Variants in NKAIN2 observed in about 807,000 individuals in gnomAD.
The protein encoded by NKAIN2 is sodium/potassium-transporting ATPase subunit beta-1-interacting protein 2.
In NKAIN2, 14 loss-of-function variants were observed where a neutral mutation model predicts 32.6. The observed-to-expected ratio is 0.43, with a 90% CI of 0.28 to 0.67. The LOEUF (loss-of-function observed/expected upper bound fraction) is 0.67. NKAIN2 is among the 30% of genes least tolerant of loss of function. The pLI, the probability that NKAIN2 is intolerant of heterozygous loss-of-function variation, is 0.17. For missense variants in NKAIN2, 198 were observed against 258.3 expected (o/e 0.77, Z 1.60); for synonymous variants, 80 against 87.2 (o/e 0.92, Z 0.46).
chr6:124,020,457 A>G lies in NKAIN2; in HGVS notation c.54+216203A>G, dbSNP rs114988194. Among the ~76,000 whole-genome samples the G allele has an allele frequency of 5.0e-3, 757 of 152,194 alleles. 4 individuals are homozygous for G. The highest frequency in any genetic ancestry group is 0.017 in the African/African-American group (713 of 41,552). On this transcript the variant is annotated intron_variant, in intron 1 of 6. Transcript: ENST00000368417. ...TAACTTCTGTGTTTGTACCTTCAGC[A>G]TATGTTTTGATTACAGTAGAAGTCG...
intron 1 of NKAIN2, among the ~76,000 whole-genome samples, chr6:123,907,450 G>A (rs916208585): frequency 6.6e-6 from 1 of 151,968 alleles, no homozygotes; most frequent in East Asian, 1.9e-4. Flanking sequence ...TTACAGGTGA[G>A]GAAATTGGGG....
intron 3 of NKAIN2, among the ~76,000 whole-genome samples, chr6:124,559,273 G>T (rs1206626954): frequency 6.6e-6 from 1 of 152,114 alleles, no homozygotes; most frequent in African/African-American, 2.4e-5. Flanking sequence ...GAATAGAATA[G>T]ATAATGGCCA....
intron 1 of NKAIN2, among the ~76,000 whole-genome samples, chr6:124,041,686 T>A (rs1781878271): frequency 6.6e-6 from 1 of 152,004 alleles, no homozygotes; most frequent in Non-Finnish European, 1.5e-5. Context: ...AAAGTAGAAA[T>A]GTTGGCTTTT....
At chr6:124,140,948 T>TGG in intron 1 of NKAIN2, among the ~76,000 whole-genome samples, 1 of 152,294 alleles carries the variant, frequency 6.6e-6, no homozygotes, top group South Asian at 2.1e-4. Flanking sequence ...AATATAGAGA[T>TGG]AAAACTATGG....
At chr6:124,201,093 A>C (rs1197328451) in intron 1 of NKAIN2, among the ~76,000 whole-genome samples, 2 of 152,080 alleles carry the variant, frequency 1.3e-5, no homozygotes, top group African/African-American at 4.8e-5. Flanking sequence ...TAATGTATAC[A>C]TCTACATAAA....
At chr6:124,009,211 G>A (rs964205341) in intron 1 of NKAIN2, among the ~76,000 whole-genome samples, 4 of 151,982 alleles carry the variant, frequency 2.6e-5, no homozygotes, top group Non-Finnish European at 4.4e-5. Flanking sequence ...CTCTCTCTCT[G>A]TTTGGTCTCT....
chr6:124,464,850 CT>C (rs372330834), intron 3 of NKAIN2, among the ~76,000 whole-genome samples: 15 of 152,086 alleles, frequency 9.9e-5, no homozygotes, highest in African/African-American at 3.6e-4. Flanking sequence ...GCTATATGGG[CT>C]CTTTTTGGTT....
At chr6:124,345,562 G>C (rs557081244) in intron 2 of NKAIN2, among the ~76,000 whole-genome samples, 6 of 151,708 alleles carry the variant, frequency 4.0e-5, no homozygotes, top group Non-Finnish European at 8.8e-5. Flanking sequence ...TTTAGTCTTG[G>C]GAGAGTGTAT....
intron 1 of NKAIN2, among the ~76,000 whole-genome samples, chr6:123,928,339 TA>T (rs1776102842): frequency 6.6e-6 from 1 of 152,142 alleles, no homozygotes; most frequent in Non-Finnish European, 1.5e-5. Context: ...AATTGTACCC[TA>T]AACCTCAGCA....
At chr6:124,379,153 G>A (rs1458087122) in intron 3 of NKAIN2, among the ~76,000 whole-genome samples, 3 of 46,488 alleles carry the variant, frequency 6.5e-5, no homozygotes, top group African/African-American at 8.0e-5. Flanking sequence ...GAGGGAGGGA[G>A]GGAGGGGAGG....
chr6:124,485,671 C>T (rs996742828), intron 3 of NKAIN2, among the ~76,000 whole-genome samples: 4 of 152,114 alleles, frequency 2.6e-5, no homozygotes, highest in Non-Finnish European at 4.4e-5. Flanking sequence ...CTCAGATGAC[C>T]TTCTGACCCT....
chr6:124,559,299 G>A (rs1401516183), intron 3 of NKAIN2, among the ~76,000 whole-genome samples: 2 of 151,884 alleles, frequency 1.3e-5, no homozygotes, highest in African/African-American at 4.8e-5. Context: ...ATAAGTGAGA[G>A]GAATGGAGAC....
At chr6:124,379,716 G>C (rs977464452) in intron 3 of NKAIN2, among the ~76,000 whole-genome samples, 1 of 152,058 alleles carries the variant, frequency 6.6e-6, no homozygotes, top group African/African-American at 2.4e-5. Flanking sequence ...ATATCATCTT[G>C]AAAAATCCAT....
Position 123,858,983 on chromosome 6 carries a change from G to C in NKAIN2, c.54+54729G>C, listed in dbSNP as rs888445002. On this transcript the variant is annotated intron_variant, in intron 1 of 6. Coordinates refer to ENST00000368417, the MANE Select transcript of NKAIN2 (RefSeq NM_001040214.3). Reference sequence around the variant, plus strand: ...TTTATAAGCACATATATTGACATATGTGTGTTTCATTATATATGTGCATAT... The same window carrying C: ...TTTATAAGCACATATATTGACATATCTGTGTTTCATTATATATGTGCATAT... Among the ~76,000 whole-genome samples the C allele has an allele frequency of 2.6e-5, 4 of 152,190 alleles. No individual in the cohort carries two copies. The East Asian group carries it at 7.7e-4, about 29-fold the overall frequency.
chr6:123,960,957 C>G (rs1777816643), intron 1 of NKAIN2, among the ~76,000 whole-genome samples: 1 of 151,894 alleles, frequency 6.6e-6, no homozygotes, highest in African/African-American at 2.4e-5. Context: ...CATTCTGATT[C>G]ATGTTTCAAA....
At chr6:124,703,489 A>G (rs1402815760) in intron 4 of NKAIN2, among the ~76,000 whole-genome samples, 2 of 152,028 alleles carry the variant, frequency 1.3e-5, no homozygotes, top group Non-Finnish European at 2.9e-5. Flanking sequence ...TTTTCATATA[A>G]TGTTTCAATA....
chr6:124,171,819 T>C (rs1449829783), intron 1 of NKAIN2, among the ~76,000 whole-genome samples: 1 of 151,344 alleles, frequency 6.6e-6, no homozygotes, highest in African/African-American at 2.4e-5. Context: ...CCCAAAGTGC[T>C]AGGATTACAG....
chr6:123,911,803 A>ATATATATATATGTG (rs1562253423), intron 1 of NKAIN2, among the ~76,000 whole-genome samples: 13 of 98,608 alleles, frequency 1.3e-4, no homozygotes, highest in African/African-American at 2.8e-4. Flanking sequence ...ATATATATGT[A>ATATATATATATGTG]TATATATATA....
intron 3 of NKAIN2, among the ~76,000 whole-genome samples, chr6:124,358,389 C>T (rs944499879): frequency 6.6e-5 from 10 of 152,060 alleles, no homozygotes; most frequent in African/African-American, 2.4e-4. Flanking sequence ...TACAGTCCCA[C>T]CAACAGTGTA....
Sources: allele counts gnomAD v4.1 joint callset (sites outside exome capture counted in the v4.1 genomes callset), GRCh38; gene constraint gnomAD v4.1.1; transcripts MANE v1.5; gene names NCBI Gene and HGNC (gene_info 2026-07-23, HGNC 2026-07-21).